The following P2RX7 variants were observed in gnomAD, a reference collection of about 807,000 sequenced individuals.
P2RX7 encodes the protein P2X purinoceptor 7.
A neutral mutation model predicts 71.6 loss-of-function variants in P2RX7; 62 were observed. The ratio of observed to expected loss-of-function variants is 0.87; its 90% confidence interval spans 0.71 to 1.07. P2RX7 has a LOEUF of 1.07. P2RX7 is among the 50% of genes least tolerant of loss of function. The pLI is 0.00. For missense variants in P2RX7, 686 were observed against 748.5 expected (o/e 0.92, Z 0.97); for synonymous variants, 299 against 283.3 (o/e 1.06, Z -0.56).
rs141644289 is a variant in P2RX7, at chr12:121,162,559, G to A, written c.533+39G>A. On this transcript the variant is annotated intron_variant, in intron 5 of 12. Coordinates refer to ENST00000328963, the MANE Select transcript of P2RX7 (RefSeq NM_002562.6). Reference sequence around the variant, plus strand: ...GGAGACAGACACAGTGGCCCTCAGCGGCGACCAGATGAGGCCTTGCCGAGG... The same window carrying A: ...GGAGACAGACACAGTGGCCCTCAGCAGCGACCAGATGAGGCCTTGCCGAGG... 1,231 of 1,604,660 alleles carry A rather than the reference G, an allele frequency of 7.7e-4. 12 individuals are homozygous for A. The African/African-American group carries it at 0.013, about 17-fold the overall frequency.
At position 121,132,926 on chromosome 12, in the gene P2RX7, A is replaced by T; in HGVS notation, c.-45A>T. 1 of 1,610,826 alleles carries T rather than the reference A, an allele frequency of 6.2e-7. No homozygotes were observed. Among genetic ancestry groups the T allele is most frequent in the Non-Finnish European group, 8.5e-7 (1 of 1,179,608 alleles). ...GGCTTGCTGTGGCCCTGTCAGGAAG[A>T]GTAGAGCTCTGGTCCAGCTCCGCGC... On this transcript the variant is annotated 5_prime_UTR_variant, in exon 1 of 13. Transcript: ENST00000328963.
chr12:121,139,930 C>A (rs1352324235), intron 1 of P2RX7, among the ~76,000 whole-genome samples: 2 of 152,134 alleles, frequency 1.3e-5, no homozygotes, highest in African/African-American at 4.8e-5. Context: ...TGGGGTTCTG[C>A]TATGTTGGCT....
intron 1 of P2RX7, among the ~76,000 whole-genome samples, chr12:121,141,413 G>A (rs1313100825): frequency 6.6e-6 from 1 of 152,148 alleles, no homozygotes; most frequent in Admixed American, 6.5e-5. Flanking sequence ...CACAGTGTTG[G>A]GAAGAGGAAG....
intron 1 of P2RX7, among the ~76,000 whole-genome samples, chr12:121,147,059 G>T (rs1876346463): frequency 2.0e-5 from 3 of 152,002 alleles, no homozygotes. Context: ...CAGTCAAGTT[G>T]CAAGGAACAA....
At chr12:121,179,015 GTA>G (rs931489916) in intron 11 of P2RX7, among the ~76,000 whole-genome samples, 1 of 151,970 alleles carries the variant, frequency 6.6e-6, no homozygotes, top group African/African-American at 2.4e-5. Flanking sequence ...ATGTGTGGGT[GTA>G]TATATGTACA....
rs1392854025 is a variant in P2RX7 at position 121,183,051 on chromosome 12, C to A, written c.1291-1254C>A. Among the ~76,000 whole-genome samples the A allele has an allele frequency of 1.4e-4, 21 of 152,008 alleles. No homozygotes were observed. In the East Asian group the frequency reaches 3.5e-3, roughly 25 times the overall value. On this transcript the variant is annotated intron_variant, in intron 12 of 12. Transcript: ENST00000328963. Reference sequence around the variant, plus strand: ...AAATAGCCAGGCATGGTGGCAGGCGCCTGTAGTCCCAGCTACTCGGGAGGC... The same window carrying A: ...AAATAGCCAGGCATGGTGGCAGGCGACTGTAGTCCCAGCTACTCGGGAGGC...
chr12:121,141,615 CAT>C (rs1475282554), intron 1 of P2RX7, among the ~76,000 whole-genome samples: 1 of 152,162 alleles, frequency 6.6e-6, no homozygotes, highest in Non-Finnish European at 1.5e-5. Flanking sequence ...AATATTGAAA[CAT>C]AACAGAAAAC....
intron 3 of P2RX7, among the ~76,000 whole-genome samples, chr12:121,160,394 G>A (rs1434648089): frequency 2.0e-5 from 3 of 152,104 alleles, no homozygotes; most frequent in Admixed American, 1.3e-4. Context: ...TGATCTGCCC[G>A]CCTTGGCCTC....
At position 121,133,070 on chromosome 12, in the gene P2RX7, C is replaced by G; in HGVS notation, c.100C>G (p.His34Asp). The change falls in exon 1 of 13, where the codon CAC becomes GAC. Residue 34 changes from histidine to aspartate, a missense_variant. Physicochemically the swap from His to Asp is moderately conservative, Grantham distance 81 (BLOSUM62 -1). Transcript: ENST00000328963. ...TTATGGCACCATTAAGTGGTTCTTC[C>G]ACGTGATCATCTTTTCCTACGTTTG... The part of the protein sequence containing the change: ...MNYGTIKWFF[H>D]VIIFSYVCFA... The G allele has an allele frequency of 6.2e-7, 1 of 1,614,164 alleles. No homozygotes were observed. The highest frequency in any genetic ancestry group is 8.5e-7 in the Non-Finnish European group (1 of 1,179,996).
intron 12 of P2RX7, among the ~76,000 whole-genome samples, 180 bp downstream of exon 12, chr12:121,180,635 C>T (rs891781): frequency 0.39 from 58,871 of 151,898 alleles, 11,851 homozygotes; most frequent in African/African-American, 0.45. Context: ...TTATGCCCCC[C>T]TCCAATCACT....
chr12:121,156,831 G>A (rs140752155), intron 3 of P2RX7, among the ~76,000 whole-genome samples: 73 of 152,222 alleles, frequency 4.8e-4, no homozygotes, highest in Non-Finnish European at 9.0e-4. Flanking sequence ...CCTCTTTCTG[G>A]AAGAGCTTCT....
chr12:121,171,650 C>T (rs1178601462), intron 8 of P2RX7, among the ~76,000 whole-genome samples: 3 of 152,004 alleles, frequency 2.0e-5, no homozygotes, highest in Non-Finnish European at 2.9e-5. Context: ...TTTGGGGGCT[C>T]AACCCATTCC....
intron 12 of P2RX7, among the ~76,000 whole-genome samples, chr12:121,181,837 G>A (rs1331457382): frequency 6.6e-6 from 1 of 151,910 alleles, no homozygotes; most frequent in Non-Finnish European, 1.5e-5. Flanking sequence ...GCCAAGGTGG[G>A]CGGATCACCT....
rs1403991576 is a variant in P2RX7, at chr12:121,184,329, T to C, written c.1315T>C (p.Leu439=). ...GAGACCTGCGATGGACTTCACAGAT[T>C]TGTCCAGGCTGCCCCTGGCCCTCCA... ...VPRPAMDFTD[L]SRLPLALHDT... is the part of the protein sequence containing the mutation. Residue 439 remains leucine, a synonymous_variant, in exon 13 of 13, where the codon TTG becomes CTG. Coordinates refer to ENST00000328963, the MANE Select transcript of P2RX7 (RefSeq NM_002562.6). 1 of 1,610,994 alleles carries C rather than the reference T, an allele frequency of 6.2e-7. No individual in the cohort carries two copies. The highest frequency in any genetic ancestry group is 1.7e-5 in the Admixed American group (1 of 59,538).
intron 3 of P2RX7, among the ~76,000 whole-genome samples, chr12:121,158,011 G>C (rs1348830326): frequency 6.6e-6 from 1 of 152,170 alleles, no homozygotes; most frequent in Non-Finnish European, 1.5e-5. Context: ...TTCCAGCCCA[G>C]AGAGCACATG....
In P2RX7 at chr12:121,184,808, G is replaced by A. The variant is rs1884709728; in HGVS notation, c.*6G>A. 6 of 1,527,440 alleles carry A rather than the reference G, an allele frequency of 3.9e-6. No individual in the cohort carries two copies. The South Asian group carries it at 4.9e-5, about 12-fold the overall frequency. 94.6% of individuals were successfully genotyped at this position (1,527,440 alleles called of 1,614,324 possible). On this transcript the variant is annotated 3_prime_UTR_variant, in exon 13 of 13. Transcript: ENST00000328963. ...GCTTCAAGAGTCCTTACTGAAGCCAGGCACCGTGGCTCACGTCTGTAATCC... is the reference window on the plus strand; with the variant it reads ...GCTTCAAGAGTCCTTACTGAAGCCAAGCACCGTGGCTCACGTCTGTAATCC...
chr12:121,163,169 G>C (rs1034174078), intron 5 of P2RX7, among the ~76,000 whole-genome samples: 1 of 152,170 alleles, frequency 6.6e-6, no homozygotes, highest in East Asian at 1.9e-4. Flanking sequence ...CCATTTTGCT[G>C]TGTGTCCTTG....
At chr12:121,166,295 T>G in intron 7 of P2RX7, 108 bp downstream of exon 7, 2 of 1,206,050 alleles carry the variant, frequency 1.7e-6, no homozygotes, top group Non-Finnish European at 2.4e-6. Context: ...GGCTCACATT[T>G]ACTGAGCATT....
At position 121,184,820 on chromosome 12, in the gene P2RX7, C is replaced by T. The variant is rs764822706; in HGVS notation, c.*18C>T. 7.9e-6 allele frequency: 12 copies of T among 1,518,234 alleles called. No individual in the cohort carries two copies. In the African/African-American group the frequency reaches 1.2e-4, roughly 16 times the overall value. 94.0% of individuals were successfully genotyped at this position (1,518,234 alleles called of 1,614,324 possible). On this transcript the variant is annotated 3_prime_UTR_variant, in exon 13 of 13. Coordinates refer to ENST00000328963, the MANE Select transcript of P2RX7 (RefSeq NM_002562.6). The stretch of plus-strand genomic sequence containing the variant: ...CTTACTGAAGCCAGGCACCGTGGCT[C>T]ACGTCTGTAATCCCAGCGCTTTGGG...
Sources: gnomAD v4.1 joint callset for allele counts (sites outside exome capture counted in the v4.1 genomes callset) on GRCh38, gnomAD v4.1.1 for gene constraint, MANE v1.5 for transcripts, NCBI Gene and HGNC (gene_info 2026-07-23, HGNC 2026-07-21) for gene names.